The following AGTRAP variants were observed in gnomAD, a reference collection of about 807,000 sequenced individuals.
The protein encoded by AGTRAP is type-1 angiotensin II receptor-associated protein.
Under a neutral mutation model 15.2 loss-of-function variants are expected in AGTRAP, and 7 were observed. The observed-to-expected ratio is 0.46, with a 90% CI of 0.26 to 0.87. The LOEUF is 0.87. AGTRAP is among the 40% of genes least tolerant of loss of function. The pLI is 0.15. For missense variants in AGTRAP, 187 were observed against 213.4 expected, an observed-to-expected ratio of 0.88 and a Z score of 0.77; for synonymous variants, 74 against 89.6, an observed-to-expected ratio of 0.83 and a Z score of 0.98.
chr1:11,736,158 G>T lies in AGTRAP; in HGVS notation c.-51G>T, dbSNP rs1182629752. ...GGCAAGTTTGTTCCCCGAGTTCGGA[G>T]CCTAGGAGCCCCCCGCGGCTGCGGC... is the stretch of plus-strand genomic sequence containing the variant. On this transcript the variant is annotated 5_prime_UTR_variant, in exon 1 of 5. Transcript: ENST00000314340. The T allele has an allele frequency of 3.2e-6, 5 of 1,576,698 alleles. No homozygotes were observed. The highest frequency in any genetic ancestry group is 3.8e-5 in the Admixed American group (2 of 53,328).
At chr1:11,748,151 C>G (rs1478370710) in intron 3 of AGTRAP, among the ~76,000 whole-genome samples, 2 of 152,196 alleles carry the variant, frequency 1.3e-5, no homozygotes, top group Admixed American at 6.5e-5. Context: ...AAGTCTTGTG[C>G]CCATCATGGC....
chr1:11,736,643 C>T (rs1641905523), intron 1 of AGTRAP, among the ~76,000 whole-genome samples: 1 of 152,226 alleles, frequency 6.6e-6, no homozygotes, highest in Non-Finnish European at 1.5e-5. Context: ...CCCCCCGGGT[C>T]CCAGCACCGT....
chr1:11,745,914 G>A lies in AGTRAP; in HGVS notation c.62+77G>A. The A allele has an allele frequency of 6.3e-7, 1 of 1,583,626 alleles. No homozygotes were observed. The highest frequency in any genetic ancestry group is 1.7e-5 in the Admixed American group (1 of 59,964). The stretch of plus-strand genomic sequence containing the variant: ...GTCAGCCGGGTCAGGTCCTGGTTCT[G>A]CCGTGTTTTAACCAGGTCACTTTGG... On this transcript the variant is annotated intron_variant, in intron 2 of 4. Coordinates refer to ENST00000314340, the MANE Select transcript of AGTRAP (RefSeq NM_020350.5). This position sits in a 1 kb window ranked among gnomAD's most constrained non-coding sequence, Gnocchi z 4.2.
intron 2 of AGTRAP, chr1:11,746,172 G>T (rs1322821647): frequency 6.2e-7 from 1 of 1,613,696 alleles, no homozygotes; most frequent in Non-Finnish European, 8.5e-7. Context: ...AAACCATTGA[G>T]CTCACCTGTG....
Position 11,750,718 on chromosome 1 carries a change from A to C in AGTRAP, c.*526A>C. On this transcript the variant is annotated 3_prime_UTR_variant, in exon 5 of 5. Coordinates refer to ENST00000314340, the MANE Select transcript of AGTRAP (RefSeq NM_020350.5). ...GTCAGCAACACTGTGTCCCACCACA[A>C]CCTCCAGCCTCCCTTTTCAGAGCAC... The C allele has an allele frequency of 1.1e-5, 2 of 185,610 alleles. No homozygotes were observed. The highest frequency in any genetic ancestry group is 2.2e-5 in the Non-Finnish European group (2 of 88,942). 11.5% of individuals were successfully genotyped at this position (185,610 alleles called of 1,614,324 possible).
intron 1 of AGTRAP, among the ~76,000 whole-genome samples, chr1:11,740,994 G>A (rs1331470258): frequency 3.3e-5 from 5 of 152,038 alleles, no homozygotes; most frequent in Admixed American, 6.6e-5. Flanking sequence ...CAGATGGAGG[G>A]GACAGTGGTT....
At chr1:11,743,164 C>T (rs1305217571) in intron 1 of AGTRAP, among the ~76,000 whole-genome samples, 1 of 152,214 alleles carries the variant, frequency 6.6e-6, no homozygotes, top group Non-Finnish European at 1.5e-5. Context: ...GAGCCCCGCT[C>T]ATACATTGTG....
At position 11,748,447 on chromosome 1, in the gene AGTRAP, G is replaced by C; in HGVS notation, c.201G>C (p.Leu67=). The C allele has an allele frequency of 6.2e-7, 1 of 1,613,862 alleles. No individual in the cohort carries two copies. The highest frequency in any genetic ancestry group is 2.2e-5 in the East Asian group (1 of 44,878). ...GTGGCTTGCTGGCCACCATCTTCCT[G>C]GACATCGTGCACATCAGCATCTTCT... ...FLGGLLATIF[L]DIVHISIFYP... Residue 67 remains leucine (L), a synonymous_variant, in exon 4 of 5, where the codon CTG becomes CTC. Transcript: ENST00000314340.
At chr1:11,744,740 A>T (rs1275543398) in intron 1 of AGTRAP, among the ~76,000 whole-genome samples, 5 of 152,238 alleles carry the variant, frequency 3.3e-5, no homozygotes, top group African/African-American at 1.2e-4. Flanking sequence ...GCGAGTCCAT[A>T]GAGTAAAGTG....
chr1:11,742,012 G>C (rs953939011), intron 1 of AGTRAP, among the ~76,000 whole-genome samples: 3 of 152,222 alleles, frequency 2.0e-5, no homozygotes, highest in African/African-American at 7.2e-5. Flanking sequence ...CTGGCCCTGG[G>C]CCCTGGAGGT....
intron 2 of AGTRAP, 94 bp from the exon 3 acceptor site, chr1:11,747,346 T>C (rs1557704875): frequency 1.0e-5 from 12 of 1,152,100 alleles, no homozygotes; most frequent in African/African-American, 1.5e-5. Context: ...GACTATGGCA[T>C]GTTCTGGGAG....
At chr1:11,748,711 G>A in intron 4 of AGTRAP, 101 bp downstream of exon 4, 1 of 1,378,732 alleles carries the variant, frequency 7.3e-7, no homozygotes. Flanking sequence ...CATGGGGCCA[G>A]GGCTCAAGGT....
At chr1:11,746,427 A>G in intron 2 of AGTRAP, 1 of 549,588 alleles carries the variant, frequency 1.8e-6, no homozygotes, top group Non-Finnish European at 3.3e-6. Context: ...TGCCTTGCAC[A>G]TGTCTTCTGC....
chr1:11,736,940 C>T (rs911380345), intron 1 of AGTRAP, among the ~76,000 whole-genome samples: 7 of 152,104 alleles, frequency 4.6e-5, no homozygotes, highest in African/African-American at 1.4e-4. Flanking sequence ...TGTCTGGGCT[C>T]CATTTGCATT....
intron 1 of AGTRAP, among the ~76,000 whole-genome samples, chr1:11,742,787 C>T (rs539509819): frequency 2.2e-4 from 34 of 152,306 alleles, no homozygotes; most frequent in African/African-American, 7.9e-4. Flanking sequence ...CCCTCCACCT[C>T]CTAAAGTGTT....
chr1:11,744,660 T>C, intron 1 of AGTRAP: 2 of 675,914 alleles, frequency 3.0e-6, no homozygotes, highest in Non-Finnish European at 2.8e-6. Context: ...CACCCTTGTG[T>C]TACAGGAAAG....
chr1:11,741,947 G>A (rs1464615369), intron 1 of AGTRAP, among the ~76,000 whole-genome samples: 1 of 152,138 alleles, frequency 6.6e-6, no homozygotes, highest in African/African-American at 2.4e-5. Flanking sequence ...TAGTCTCTTG[G>A]AGCTGAGAAA....
rs1420564088 is a variant in AGTRAP at position 11,748,412 on chromosome 1, C to T, written c.169-3C>T. ...GTGCTCATCAGTGTGGTGTGTCTTGCAGTTTCTGGGTGGCTTGCTGGCCAC... is the reference window on the plus strand; with the variant it reads ...GTGCTCATCAGTGTGGTGTGTCTTGTAGTTTCTGGGTGGCTTGCTGGCCAC... On this transcript the variant is annotated splice_polypyrimidine_tract_variant and splice_region_variant and intron_variant, in intron 3 of 4. Transcript: ENST00000314340. 3 of 1,612,982 alleles carry T rather than the reference C, an allele frequency of 1.9e-6. No homozygotes were observed. The African/African-American group carries it at 4.0e-5, about 21-fold the overall frequency.
Position 11,747,622 on chromosome 1 carries a change from C to A in AGTRAP, c.168+77C>A, listed in dbSNP as rs944901638. 13 of 1,437,088 alleles carry A rather than the reference C, an allele frequency of 9.0e-6. No homozygotes were observed. In the East Asian group the frequency reaches 2.3e-4, roughly 25 times the overall value. 89.0% of individuals were successfully genotyped at this position (1,437,088 alleles called of 1,614,324 possible). On this transcript the variant is annotated intron_variant, in intron 3 of 4. Transcript: ENST00000314340. ...AAGACATAGCCTGGCTCTGCTACCC[C>A]GTCCCATCCCAATCTTCCCCCTCTT...
Sources: gnomAD v4.1 joint callset for allele counts (sites outside exome capture counted in the v4.1 genomes callset) on GRCh38, gnomAD v4.1.1 for gene constraint, Gnocchi (gnomAD v3.1) non-coding constraint, MANE v1.5 for transcripts, NCBI Gene and HGNC (gene_info 2026-07-23, HGNC 2026-07-21) for gene names.